Variants in OPCML observed in about 807,000 individuals in gnomAD.
OPCML encodes the protein opioid binding protein/cell adhesion molecule like, also known as opioid-binding protein/cell adhesion molecule.
A neutral mutation model predicts 37.8 loss-of-function variants in OPCML; 13 were observed. That is an observed-to-expected ratio of 0.34 (90% CI 0.22 to 0.55). OPCML has a LOEUF of 0.55. Ranked by LOEUF, OPCML falls within the 20% of genes least tolerant of loss-of-function variation. The pLI is 0.91. For synonymous variants in OPCML, 176 were observed against 168.8 expected (o/e 1.04, Z -0.33); for missense variants, 341 against 435.6 (o/e 0.78, Z 1.93).
chr11:133,224,911 A>G (rs919962356), intron 1 of OPCML, among the ~76,000 whole-genome samples: 1 of 152,034 alleles, frequency 6.6e-6, no homozygotes, highest in East Asian at 1.9e-4. Context: ...TGGCTTTTCC[A>G]TATCTCTTCC....
chr11:132,900,856 T>C (rs904228172), intron 2 of OPCML, among the ~76,000 whole-genome samples: 2 of 152,174 alleles, frequency 1.3e-5, no homozygotes, highest in Admixed American at 1.3e-4. Context: ...TTCAATCCAC[T>C]AGCGCCCTTG....
intron 1 of OPCML, among the ~76,000 whole-genome samples, chr11:133,331,851 C>A (rs1421508482): frequency 6.6e-6 from 1 of 152,032 alleles, no homozygotes; most frequent in Non-Finnish European, 1.5e-5. Context: ...GAAAGTATGG[C>A]CATGGTGGCT....
At chr11:133,140,907 CGAAGAA>C (rs573673024) in intron 1 of OPCML, among the ~76,000 whole-genome samples, 291 of 4,804 alleles carry the variant, frequency 0.061, 50 homozygotes, top group Admixed American at 0.084. Context: ...ACGACGACGA[CGAAGAA>C]GAAGAAGACG....
intron 2 of OPCML, among the ~76,000 whole-genome samples, chr11:132,895,715 G>A (rs182843048): frequency 6.6e-6 from 1 of 152,280 alleles, no homozygotes; most frequent in Non-Finnish European, 1.5e-5. Flanking sequence ...TCTGTCTGAA[G>A]GAGTTAACCC....
At chr11:132,670,172 G>T (rs530741826) in intron 2 of OPCML, among the ~76,000 whole-genome samples, 1 of 152,222 alleles carries the variant, frequency 6.6e-6, no homozygotes, top group African/African-American at 2.4e-5. Flanking sequence ...GTCTGTCTCA[G>T]TATCATCCAT....
At chr11:132,996,797 C>T (rs1435180781) in intron 1 of OPCML, among the ~76,000 whole-genome samples, 1 of 152,108 alleles carries the variant, frequency 6.6e-6, no homozygotes, top group African/African-American at 2.4e-5. Flanking sequence ...CCAGTCAAAA[C>T]CATTCCACTT....
intron 2 of OPCML, among the ~76,000 whole-genome samples, chr11:132,793,786 G>C (rs527246638): frequency 2.1e-4 from 32 of 152,204 alleles, no homozygotes; most frequent in Middle Eastern, 3.4e-3. Context: ...CCCTAGGCCC[G>C]GTCCTCTTCA....
At chr11:132,645,721 A>G (rs1040836787) in intron 3 of OPCML, among the ~76,000 whole-genome samples, 3 of 152,252 alleles carry the variant, frequency 2.0e-5, no homozygotes, top group Non-Finnish European at 2.9e-5. Context: ...GTGCAATATG[A>G]TAGCTACTGG....
Position 132,904,396 on chromosome 11 carries a change from C to G in OPCML, c.146+38530G>C, listed in dbSNP as rs572786182. ...CAACAGCAGCAGCTAAATTATTTCT[C>G]CATCTCAATTGATTTAGATGGAATG... is the stretch of plus-strand genomic sequence containing the variant. On this transcript the variant is annotated intron_variant, in intron 2 of 7. Coordinates refer to ENST00000524381, the MANE Select transcript of OPCML (RefSeq NM_001012393.5). Among the ~76,000 whole-genome samples, 3 of 149,934 alleles carry G rather than the reference C, an allele frequency of 2.0e-5. No homozygotes were observed. In the East Asian group the frequency reaches 5.8e-4, roughly 29 times the overall value.
intron 2 of OPCML, among the ~76,000 whole-genome samples, chr11:132,704,723 T>C (rs533340219): frequency 2.0e-5 from 3 of 152,310 alleles, no homozygotes; most frequent in Admixed American, 6.5e-5. Flanking sequence ...ATTCATATCA[T>C]CTAGATGGTA....
intron 3 of OPCML, among the ~76,000 whole-genome samples, chr11:132,624,185 A>G (rs988174804): frequency 6.6e-6 from 1 of 152,182 alleles, no homozygotes; most frequent in Admixed American, 6.5e-5. Context: ...GGAAATAATA[A>G]CCTTATGGTT....
rs7119187 is a variant in OPCML at position 133,116,320 on chromosome 11, C to T, written c.62-173310G>A. ...AATTCTCAAAATTAGGAAATGTTTG[C>T]ATTATTATAGTACTACTATCTAATT... On this transcript the variant is annotated intron_variant, in intron 1 of 7. Transcript: ENST00000524381. 7.2e-3 allele frequency among the ~76,000 whole-genome samples: 1,098 copies of T among 152,264 alleles called. 12 individuals are homozygous for T. The highest frequency in any genetic ancestry group is 0.025 in the African/African-American group (1,033 of 41,540).
chr11:133,085,769 A>G (rs751671215), intron 1 of OPCML, among the ~76,000 whole-genome samples: 7 of 152,256 alleles, frequency 4.6e-5, no homozygotes, highest in Non-Finnish European at 8.8e-5. Flanking sequence ...TAGGCATTCT[A>G]GGTTGGAAAG....
intron 1 of OPCML, among the ~76,000 whole-genome samples, chr11:133,026,799 G>A (rs1417003917): frequency 6.6e-6 from 1 of 152,032 alleles, no homozygotes; most frequent in African/African-American, 2.4e-5. Flanking sequence ...TTGGATTTGT[G>A]CTTCATATTT....
At chr11:133,007,889 T>C in intron 1 of OPCML, 1 of 985,468 alleles carries the variant, frequency 1.0e-6, no homozygotes, top group Non-Finnish European at 1.2e-6. Context: ...GGTTTATGCT[T>C]TTCTTGGATA....
intron 2 of OPCML, among the ~76,000 whole-genome samples, chr11:132,813,265 C>A (rs1273783018): frequency 1.3e-5 from 2 of 152,146 alleles, no homozygotes; most frequent in Non-Finnish European, 1.5e-5. Flanking sequence ...TATATGGAAA[C>A]AGTGTCTCAA....
At chr11:132,477,630 A>G (rs1051348245) in intron 4 of OPCML, among the ~76,000 whole-genome samples, 1 of 152,178 alleles carries the variant, frequency 6.6e-6, no homozygotes, top group African/African-American at 2.4e-5. Flanking sequence ...TTAACCTCCA[A>G]CATGAGGAAT....
At chr11:132,852,892 T>G (rs530827860) in intron 2 of OPCML, among the ~76,000 whole-genome samples, 1 of 151,552 alleles carries the variant, frequency 6.6e-6, no homozygotes, top group East Asian at 2.0e-4. Context: ...TGAAAAAATT[T>G]TAAAAGGTTG....
intron 2 of OPCML, among the ~76,000 whole-genome samples, chr11:132,802,190 A>T (rs1407516505): frequency 6.6e-6 from 1 of 152,122 alleles, no homozygotes; most frequent in Non-Finnish European, 1.5e-5. Context: ...AACCGTCACC[A>T]TCTCTACCCT....
Sources: allele counts gnomAD v4.1 joint callset (sites outside exome capture counted in the v4.1 genomes callset), GRCh38; gene constraint gnomAD v4.1.1; transcripts MANE v1.5; gene names NCBI Gene and HGNC (gene_info 2026-07-23, HGNC 2026-07-21).